The following ASAP2 variants were observed in gnomAD, a reference collection of about 807,000 sequenced individuals.
ASAP2 encodes the protein ArfGAP with SH3 domain, ankyrin repeat and PH domain 2.
ASAP2 carries 45 observed loss-of-function variants against 131.4 expected under a neutral mutation model. The observed-to-expected ratio is 0.34, with a 90% CI of 0.27 to 0.44. The LOEUF is 0.44. ASAP2 is among the 20% of genes least tolerant of loss of function. The pLI is 1.00. For missense variants in ASAP2, 1,011 were observed against 1,297.0 expected, an observed-to-expected ratio of 0.78 and a Z score of 3.39; for synonymous variants, 510 against 503.0, an observed-to-expected ratio of 1.01 and a Z score of -0.19.
At position 9,392,075 on chromosome 2, in the gene ASAP2, G is replaced by A. The variant is rs1320620709; in HGVS notation, c.2518+879G>A. 6.6e-6 allele frequency among the ~76,000 whole-genome samples: 1 copy of A among 152,088 alleles called. No homozygotes were observed. Among genetic ancestry groups the A allele is most frequent in the African/African-American group, 2.4e-5 (1 of 41,402 alleles). Reference sequence around the variant, plus strand: ...GGGTTTTGCTATGTTGCCCAGGCTCGAATTCCTGGGCTCAAGTGATCCACC... The same window carrying A: ...GGGTTTTGCTATGTTGCCCAGGCTCAAATTCCTGGGCTCAAGTGATCCACC... On this transcript the variant is annotated intron_variant, in intron 23 of 27. Coordinates refer to ENST00000281419, the MANE Select transcript of ASAP2 (RefSeq NM_003887.3). The surrounding 1 kb of genome is among the most constrained non-coding windows in gnomAD (Gnocchi z 4.0).
At chr2:9,216,378 C>T (rs1662038455) in intron 1 of ASAP2, among the ~76,000 whole-genome samples, 1 of 150,730 alleles carries the variant, frequency 6.6e-6, no homozygotes, top group African/African-American at 2.4e-5. Flanking sequence ...CCTTGACCTC[C>T]TGGGCTCAAG....
intron 1 of ASAP2, among the ~76,000 whole-genome samples, chr2:9,239,757 C>T (rs1384587111): frequency 6.6e-6 from 1 of 151,954 alleles, no homozygotes; most frequent in African/African-American, 2.4e-5. Flanking sequence ...TAGATGAGGC[C>T]TCACTGTGTC....
chr2:9,365,946 A>T (rs1212601993), intron 15 of ASAP2, among the ~76,000 whole-genome samples: 2 of 152,130 alleles, frequency 1.3e-5, no homozygotes, highest in Non-Finnish European at 2.9e-5. Context: ...CCTCTCCTCC[A>T]TCCAGTCTGG....
At chr2:9,257,415 TG>T (rs1430023897) in intron 1 of ASAP2, among the ~76,000 whole-genome samples, 1 of 152,254 alleles carries the variant, frequency 6.6e-6, no homozygotes, top group African/African-American at 2.4e-5. Flanking sequence ...TTTATTTTCT[TG>T]GTTTATTGTT....
chr2:9,260,744 A>C (rs1015857026), intron 1 of ASAP2, among the ~76,000 whole-genome samples: 1 of 152,170 alleles, frequency 6.6e-6, no homozygotes. Context: ...GATGGGAAAC[A>C]GGAACTGAGA....
chr2:9,243,536 C>G (rs1176300919), intron 1 of ASAP2, among the ~76,000 whole-genome samples: 1 of 152,198 alleles, frequency 6.6e-6, no homozygotes. Flanking sequence ...ACAATATCTG[C>G]TTTCTGTACG....
intron 24 of ASAP2, among the ~76,000 whole-genome samples, chr2:9,395,846 A>T (rs1676104714): frequency 6.6e-6 from 1 of 151,620 alleles, no homozygotes; most frequent in Non-Finnish European, 1.5e-5. Context: ...TGACCTCGTG[A>T]TCTGCCCTCC....
chr2:9,342,789 C>T (rs1212584602), intron 9 of ASAP2, among the ~76,000 whole-genome samples: 2 of 152,244 alleles, frequency 1.3e-5, no homozygotes, highest in African/African-American at 4.8e-5. Flanking sequence ...CTGGGCCTTA[C>T]TGCCTCAGAT....
intron 11 of ASAP2, among the ~76,000 whole-genome samples, chr2:9,349,847 A>C (rs755919519): frequency 6.6e-6 from 1 of 152,188 alleles, no homozygotes; most frequent in Non-Finnish European, 1.5e-5. Flanking sequence ...CCAGGTGTAG[A>C]TGCATATGTG....
At chr2:9,254,272 CAT>C (rs1346219264) in intron 1 of ASAP2, among the ~76,000 whole-genome samples, 2 of 108,910 alleles carry the variant, frequency 1.8e-5, no homozygotes, top group Non-Finnish European at 3.5e-5. Context: ...TGTGTGTATG[CAT>C]ATATATAGTA....
chr2:9,234,110 CAAAAAAAA>C (rs70948810), intron 1 of ASAP2, among the ~76,000 whole-genome samples: 11 of 76,580 alleles, frequency 1.4e-4, no homozygotes, highest in African/African-American at 5.7e-4. Flanking sequence ...AGCTATGTCT[CAAAAAAAA>C]AAAAAAAAAA....
intron 2 of ASAP2, among the ~76,000 whole-genome samples, chr2:9,295,649 C>T (rs947835769): frequency 1.2e-4 from 19 of 152,066 alleles, no homozygotes; most frequent in Admixed American, 9.8e-4. Context: ...GCTGCGTTTG[C>T]GGGTGTGTGT....
chr2:9,334,012 C>T (rs1479755041), intron 7 of ASAP2, among the ~76,000 whole-genome samples: 2 of 140,974 alleles, frequency 1.4e-5, no homozygotes, highest in Non-Finnish European at 3.1e-5. Flanking sequence ...TGCATTATTT[C>T]TCTCTCTCTC....
At chr2:9,377,935 G>A (rs1184411776) in intron 18 of ASAP2, among the ~76,000 whole-genome samples, 1 of 152,110 alleles carries the variant, frequency 6.6e-6, no homozygotes, top group Non-Finnish European at 1.5e-5. Context: ...CTAGAACGCA[G>A]CAGGGGTTTC....
intron 1 of ASAP2, among the ~76,000 whole-genome samples, chr2:9,270,301 G>A (rs543010634): frequency 4.6e-5 from 7 of 152,164 alleles, no homozygotes; most frequent in Non-Finnish European, 1.0e-4. Flanking sequence ...TGGAGTTTTC[G>A]TTTGGGGAGC....
chr2:9,344,791 C>T lies in ASAP2; in HGVS notation c.1014C>T (p.Ser338=), dbSNP rs1309680798. The T allele has an allele frequency of 6.2e-7, 1 of 1,612,872 alleles. No individual in the cohort carries two copies. The highest frequency in any genetic ancestry group is 8.5e-7 in the Non-Finnish European group (1 of 1,179,042). ...TTAAAAATGGTTTTCTGACCATATC[C>T]CATGGTACCGTAAGTATTCTCTTTT... The part of the protein sequence containing the change: ...CSVKNGFLTI[S]HGTANRPPAK... Residue 338 remains serine (S), a synonymous_variant, in exon 11 of 28, where the codon TCC becomes TCT. Coordinates refer to ENST00000281419, the MANE Select transcript of ASAP2 (RefSeq NM_003887.3).
At chr2:9,341,787 G>A (rs894169379) in intron 9 of ASAP2, among the ~76,000 whole-genome samples, 3 of 152,094 alleles carry the variant, frequency 2.0e-5, no homozygotes, top group East Asian at 1.9e-4. Context: ...CCGATGTTCC[G>A]CCCTTCTGAG....
intron 18 of ASAP2, among the ~76,000 whole-genome samples, chr2:9,378,414 G>T (rs1406929395): frequency 6.6e-6 from 1 of 152,222 alleles, no homozygotes; most frequent in Non-Finnish European, 1.5e-5. Flanking sequence ...GGGCAAACAG[G>T]CCGAGGAGCC....
At position 9,391,097 on chromosome 2, in the gene ASAP2, A is replaced by T; in HGVS notation, c.2419A>T (p.Thr807Ser). The T allele has an allele frequency of 6.2e-7, 1 of 1,614,266 alleles. No homozygotes were observed. Among genetic ancestry groups the T allele is most frequent in the Non-Finnish European group, 8.5e-7 (1 of 1,180,050 alleles). The change falls in exon 23 of 28, where the codon ACA (threonine) becomes TCA (serine). Residue 807 changes from threonine to serine, a missense_variant. By Grantham distance (58) the Thr-to-Ser change is moderately conservative. Transcript: ENST00000281419. ...CTCCTCTGCTAACACCCTGTGGAAGACAAACTCTGTAAGTGTGGACGGTGG... is the reference window on the plus strand; with the variant it reads ...CTCCTCTGCTAACACCCTGTGGAAGTCAAACTCTGTAAGTGTGGACGGTGG... The part of the protein sequence containing the change: ...TASSANTLWK[T>S]NSVSVDGGSR...
Sources: allele counts gnomAD v4.1 joint callset (sites outside exome capture counted in the v4.1 genomes callset), GRCh38; gene constraint gnomAD v4.1.1; non-coding constraint Gnocchi (gnomAD v3.1); transcripts MANE v1.5; gene names NCBI Gene and HGNC (gene_info 2026-07-23, HGNC 2026-07-21).